PIK3AP1: variants seen among roughly 807,000 people sequenced by gnomAD.
PIK3AP1 encodes the protein phosphoinositide 3-kinase adapter protein 1.
A neutral mutation model predicts 88.1 loss-of-function variants in PIK3AP1; 21 were observed. That is an observed-to-expected ratio of 0.24 (90% CI 0.17 to 0.34). The LOEUF (loss-of-function observed/expected upper bound fraction) is 0.34. PIK3AP1 is among the 10% of genes least tolerant of loss of function. PIK3AP1 has a pLI of 1.00. For synonymous variants in PIK3AP1, 398 were observed against 400.0 expected (o/e 1.00, Z 0.06); for missense variants, 828 against 1,035.7 (o/e 0.80, Z 2.75).
At chr10:96,662,888 CAAAAAAAAA>C (rs749898725) in intron 2 of PIK3AP1, among the ~76,000 whole-genome samples, 782 of 22,496 alleles carry the variant, frequency 0.035, 4 homozygotes, top group African/African-American at 0.091. Flanking sequence ...GACTCCGTCT[CAAAAAAAAA>C]AAAAAAAAAA....
At position 96,602,413 on chromosome 10, in the gene PIK3AP1, AT is replaced by A; in HGVS notation, c.2242-16del. 6.2e-7 allele frequency: 1 copy of A among 1,601,472 alleles called. No individual in the cohort carries two copies. Among genetic ancestry groups the A allele is most frequent in the South Asian group, 1.1e-5 (1 of 90,860 alleles). ...ACTTCATTATCCTACAGCAAAGAAG[AT>A]GAGAAAGAAAGGCGAAAACTACATT... On this transcript the variant is annotated splice_polypyrimidine_tract_variant and intron_variant, in intron 15 of 16. Transcript: ENST00000339364.
chr10:96,624,472 G>C (rs1469049373), intron 10 of PIK3AP1, among the ~76,000 whole-genome samples: 3 of 152,162 alleles, frequency 2.0e-5, no homozygotes, highest in Non-Finnish European at 4.4e-5. Context: ...ATTAGGACAT[G>C]TATTAATCTA....
At chr10:96,649,563 A>G (rs1843509009) in intron 6 of PIK3AP1, among the ~76,000 whole-genome samples, 1 of 152,374 alleles carries the variant, frequency 6.6e-6, no homozygotes, top group Non-Finnish European at 1.5e-5. Context: ...TGATTAAAAG[A>G]AAGCAGTTCA....
At chr10:96,696,020 T>G (rs998568097) in intron 2 of PIK3AP1, among the ~76,000 whole-genome samples, 1 of 152,160 alleles carries the variant, frequency 6.6e-6, no homozygotes, top group Non-Finnish European at 1.5e-5. Flanking sequence ...TGGTTGACAA[T>G]CCAAAGGGCA....
At chr10:96,640,635 G>T (rs1170725876) in intron 8 of PIK3AP1, among the ~76,000 whole-genome samples, 1 of 152,086 alleles carries the variant, frequency 6.6e-6, no homozygotes, top group Admixed American at 6.5e-5. Flanking sequence ...AGGTGTGAAG[G>T]TTGATGCTTT....
At position 96,710,006 on chromosome 10, in the gene PIK3AP1, AG is replaced by A. The variant is rs746225593; in HGVS notation, c.14-24del. 2.6e-6 allele frequency: 4 copies of A among 1,554,538 alleles called. No individual in the cohort carries two copies. In the East Asian group the frequency reaches 6.8e-5, roughly 26 times the overall value. ...CCCCTGGACAAGAATGAGGCACAGA[AG>A]CATGTTAGCACACCTCCCCTTCTAG... On this transcript the variant is annotated intron_variant, in intron 1 of 16. Coordinates refer to ENST00000339364, the MANE Select transcript of PIK3AP1 (RefSeq NM_152309.3).
intron 2 of PIK3AP1, among the ~76,000 whole-genome samples, chr10:96,677,382 A>G (rs1843937961): frequency 6.6e-6 from 1 of 152,134 alleles, no homozygotes; most frequent in Admixed American, 6.5e-5. Context: ...TCTCACACTC[A>G]TATCCCGAGG....
intron 16 of PIK3AP1, among the ~76,000 whole-genome samples, chr10:96,598,441 C>T (rs1025466932): frequency 6.6e-6 from 1 of 151,942 alleles, no homozygotes; most frequent in East Asian, 1.9e-4. Flanking sequence ...TTAAGAGCTC[C>T]GGAAGTCCAA....
chr10:96,602,459 A>G, intron 15 of PIK3AP1, 61 bp from the exon 16 acceptor site: 2 of 1,411,548 alleles, frequency 1.4e-6, no homozygotes, highest in South Asian at 1.2e-5. Context: ...GCATAGCTGG[A>G]CAACCGTAAC....
At chr10:96,629,460 C>T (rs997797703) in intron 8 of PIK3AP1, among the ~76,000 whole-genome samples, 1 of 151,848 alleles carries the variant, frequency 6.6e-6, no homozygotes, top group African/African-American at 2.4e-5. Context: ...AATACATATT[C>T]TTGAAGATTC....
chr10:96,711,739 AT>A (rs763923650), intron 1 of PIK3AP1, among the ~76,000 whole-genome samples: 13,369 of 64,618 alleles, frequency 0.21, 898 homozygotes, highest in East Asian at 0.29. Flanking sequence ...AGATTACCAA[AT>A]TTTTTTTTTT....
chr10:96,628,918 A>ATATATG lies in PIK3AP1; in HGVS notation c.1376-426_1376-425insCATATA, dbSNP rs1554955404. Reference sequence around the variant, plus strand: ...TATATATATATATATGTGTATATATATATATATATATGGCAAGGTCTCAGG... The same window carrying ATATATG: ...TATATATATATATATGTGTATATATATATATGTATATATATATGGCAAGGTCTCAGG... On this transcript the variant is annotated intron_variant, in intron 8 of 16. Coordinates refer to ENST00000339364, the MANE Select transcript of PIK3AP1 (RefSeq NM_152309.3). Among the ~76,000 whole-genome samples the ATATATG allele has an allele frequency of 6.5e-5, 8 of 122,562 alleles. No individual in the cohort carries two copies. In the Admixed American group the frequency reaches 6.6e-4, roughly 10 times the overall value. 80.4% of individuals were successfully genotyped at this position (122,562 alleles called of 152,430 possible).
intron 9 of PIK3AP1, 89 bp downstream of exon 9, chr10:96,628,309 G>A: frequency 8.6e-7 from 1 of 1,161,080 alleles, no homozygotes; most frequent in Non-Finnish European, 1.3e-6. Context: ...CATTCCTTGA[G>A]GGGAGCAACC....
At chr10:96,664,930 C>T (rs1843741477) in intron 2 of PIK3AP1, among the ~76,000 whole-genome samples, 1 of 142,886 alleles carries the variant, frequency 7.0e-6, no homozygotes, top group South Asian at 2.1e-4. Flanking sequence ...CCCACTCAGA[C>T]ATAAGCACTG....
At chr10:96,717,922 C>T (rs607522) in intron 1 of PIK3AP1, among the ~76,000 whole-genome samples, 93,524 of 152,062 alleles carry the variant, frequency 0.62, 30,991 homozygotes, top group African/African-American at 0.88. Context: ...TTTCAGAAAA[C>T]AATATAGACT....
intron 2 of PIK3AP1, among the ~76,000 whole-genome samples, chr10:96,669,288 G>A (rs558602633): frequency 6.6e-6 from 1 of 152,248 alleles, no homozygotes; most frequent in South Asian, 2.1e-4. Context: ...ATGAAACCAC[G>A]AAACAGCTAT....
At chr10:96,708,631 G>C (rs990489448) in intron 2 of PIK3AP1, among the ~76,000 whole-genome samples, 3 of 136,526 alleles carry the variant, frequency 2.2e-5, no homozygotes, top group African/African-American at 8.2e-5. Flanking sequence ...AGGAAGAAAA[G>C]CTGTGATATG....
At chr10:96,698,674 G>C (rs943690999) in intron 2 of PIK3AP1, among the ~76,000 whole-genome samples, 1 of 151,894 alleles carries the variant, frequency 6.6e-6, no homozygotes, top group Non-Finnish European at 1.5e-5. Context: ...GAGAGGTTGC[G>C]GTGAGCAGAG....
At chr10:96,597,392 C>T (rs1848792808) in intron 16 of PIK3AP1, among the ~76,000 whole-genome samples, 1 of 129,116 alleles carries the variant, frequency 7.7e-6, no homozygotes, top group African/African-American at 2.9e-5. Context: ...TTCTTTCTTT[C>T]TTTCAACAAA....
Sources: allele counts gnomAD v4.1 joint callset (sites outside exome capture counted in the v4.1 genomes callset), GRCh38; gene constraint gnomAD v4.1.1; transcripts MANE v1.5; gene names NCBI Gene and HGNC (gene_info 2026-07-23, HGNC 2026-07-21).